The following ACER2 variants were observed in gnomAD, a reference collection of about 807,000 sequenced individuals.
The protein encoded by ACER2 is alkaline ceramidase 2.
A neutral mutation model predicts 34.7 loss-of-function variants in ACER2; 26 were observed. The observed-to-expected ratio is 0.75, with a 90% CI of 0.55 to 1.04. The LOEUF (loss-of-function observed/expected upper bound fraction) is 1.04. Ranked by LOEUF, ACER2 falls within the 50% of genes least tolerant of loss-of-function variation. The pLI, the probability that ACER2 is intolerant of heterozygous loss-of-function variation, is 0.00. For missense variants in ACER2, 352 were observed against 340.8 expected (o/e 1.03, Z -0.26); for synonymous variants, 138 against 132.1 (o/e 1.04, Z -0.31).
chr9:19,426,432 C>T (rs1830575216), intron 3 of ACER2, among the ~76,000 whole-genome samples: 1 of 149,312 alleles, frequency 6.7e-6, no homozygotes, highest in Non-Finnish European at 1.5e-5. Context: ...CTTCCCCTTC[C>T]CCTCCTGTCT....
chr9:19,435,824 C>T (rs1017030242), intron 4 of ACER2, among the ~76,000 whole-genome samples: 12 of 151,392 alleles, frequency 7.9e-5, no homozygotes, highest in African/African-American at 2.2e-4. Flanking sequence ...CCGAGGAGGG[C>T]GGATCACGAG....
intron 5 of ACER2, chr9:19,446,691 A>C: frequency 1.1e-6 from 1 of 947,338 alleles, no homozygotes; most frequent in Non-Finnish European, 1.3e-6. Flanking sequence ...TTAAAGCCTA[A>C]AGGAGCTTGA....
intron 3 of ACER2, among the ~76,000 whole-genome samples, chr9:19,434,554 C>T (rs1405365867): frequency 6.6e-6 from 1 of 152,224 alleles, no homozygotes; most frequent in South Asian, 2.1e-4. Flanking sequence ...GCGGATCACT[C>T]GCGGTTAGGA....
chr9:19,438,704 C>T (rs1195912290), intron 4 of ACER2, among the ~76,000 whole-genome samples: 1 of 152,184 alleles, frequency 6.6e-6, no homozygotes, highest in Non-Finnish European at 1.5e-5. Flanking sequence ...AGTCTAGTTT[C>T]ATTGTAACTC....
chr9:19,425,331 G>A lies in ACER2; in HGVS notation c.365+490G>A, dbSNP rs527430862. The stretch of plus-strand genomic sequence containing the variant: ...GAGAGCTGTGCACCTGCGTGCGTGC[G>A]CGTGCACACACACACATACACACTC... On this transcript the variant is annotated intron_variant, in intron 3 of 5. Transcript: ENST00000340967. Among the ~76,000 whole-genome samples the A allele has an allele frequency of 5.0e-4, 76 of 152,202 alleles. 1 individual carries two copies. Among genetic ancestry groups the A allele is most frequent in the African/African-American group, 1.4e-3 (60 of 41,526 alleles).
In ACER2 at chr9:19,450,432, T is replaced by G; in HGVS notation, c.642-18T>G. 1 of 1,573,486 alleles carries G rather than the reference T, an allele frequency of 6.4e-7. No homozygotes were observed. The highest frequency in any genetic ancestry group is 8.7e-7 in the Non-Finnish European group (1 of 1,149,458). On this transcript the variant is annotated intron_variant, in intron 5 of 5. Coordinates refer to ENST00000340967, the MANE Select transcript of ACER2 (RefSeq NM_001010887.3). ...TCTTCATGCTCATCAGGTTCTCACC[T>G]CTTGTCTCCCTCTGCAGGCACATCC...
At chr9:19,412,338 G>A (rs538388600) in intron 1 of ACER2, among the ~76,000 whole-genome samples, 1 of 152,164 alleles carries the variant, frequency 6.6e-6, no homozygotes, top group Non-Finnish European at 1.5e-5. Flanking sequence ...AAAAGCACAT[G>A]TATCTGTGTG....
At chr9:19,427,815 C>A (rs1184708165) in intron 3 of ACER2, among the ~76,000 whole-genome samples, 1 of 150,624 alleles carries the variant, frequency 6.6e-6, no homozygotes, top group Non-Finnish European at 1.5e-5. Context: ...TACAGGCGCC[C>A]GCCACCACGC....
At chr9:19,418,225 A>G (rs1488212571) in intron 1 of ACER2, among the ~76,000 whole-genome samples, 1 of 152,232 alleles carries the variant, frequency 6.6e-6, no homozygotes, top group Non-Finnish European at 1.5e-5. Flanking sequence ...GTGGAGAAAT[A>G]GGAACACTTT....
At chr9:19,430,530 T>A (rs551811671) in intron 3 of ACER2, among the ~76,000 whole-genome samples, 20 of 152,320 alleles carry the variant, frequency 1.3e-4, no homozygotes, top group African/African-American at 4.3e-4. Flanking sequence ...TGACTGGTTT[T>A]CTGCTGGCCA....
rs1831572406 is a variant in ACER2 at position 19,451,623 on chromosome 9, C to G, written c.*987C>G. Reference sequence around the variant, plus strand: ...ATCACTTCCTCTTCCCCCTCCCACCCCAGCTCAGCAGCCTCAAATCTACAG... The same window carrying G: ...ATCACTTCCTCTTCCCCCTCCCACCGCAGCTCAGCAGCCTCAAATCTACAG... On this transcript the variant is annotated 3_prime_UTR_variant, in exon 6 of 6. Transcript: ENST00000340967. The G allele has an allele frequency of 6.6e-6, 1 of 152,332 alleles. No individual in the cohort carries two copies. The highest frequency in any genetic ancestry group is 1.5e-5 in the Non-Finnish European group (1 of 68,056). The allele number at this position is 152,332 out of a possible 1,614,324, so 9.4% of individuals were successfully genotyped here.
chr9:19,451,011 C>T lies in ACER2; in HGVS notation c.*375C>T, dbSNP rs190634499. 1 of 159,962 alleles carries T rather than the reference C, an allele frequency of 6.3e-6. No homozygotes were observed. The highest frequency in any genetic ancestry group is 1.4e-5 in the Non-Finnish European group (1 of 72,814). 9.9% of individuals were successfully genotyped at this position (159,962 alleles called of 1,614,324 possible). A position where few individuals can be genotyped will look rare whatever the true frequency, so the allele number is the denominator to read the frequency against. ...GTGTCTGTGGACCACCTGGATTCCA[C>T]TGTACAAGGGGAAAAGTGTCTATTC... On this transcript the variant is annotated 3_prime_UTR_variant, in exon 6 of 6. Transcript: ENST00000340967.
In ACER2 at chr9:19,451,857, T is replaced by C. The variant is rs1284868613; in HGVS notation, c.*1221T>C. ...AATTACCTTCAAGAGTCTCACTTCT[T>C]GTTTCTGTTGTGTTTTCTGTGGGCA... is the stretch of plus-strand genomic sequence containing the variant. On this transcript the variant is annotated 3_prime_UTR_variant, in exon 6 of 6. Transcript: ENST00000340967. 1.3e-5 allele frequency: 2 copies of C among 152,242 alleles called. No individual in the cohort carries two copies. Among genetic ancestry groups the C allele is most frequent in the African/African-American group, 4.8e-5 (2 of 41,446 alleles). The allele number at this position is 152,242 out of a possible 1,614,324, so 9.4% of individuals were successfully genotyped here.
In ACER2 at chr9:19,423,994, G is replaced by A. The variant is rs1448999430; in HGVS notation, c.223+18G>A. 23 of 1,572,874 alleles carry A rather than the reference G, an allele frequency of 1.5e-5. No homozygotes were observed. The highest frequency in any genetic ancestry group is 2.0e-5 in the Non-Finnish European group (23 of 1,142,546). ...TGTAGTGGGTAAGTGGAGTCATTTG[G>A]GAACACGGACTTAATGGGGTGGTGG... On this transcript the variant is annotated intron_variant, in intron 2 of 5. Transcript: ENST00000340967.
At chr9:19,427,693 C>T (rs1016148294) in intron 3 of ACER2, among the ~76,000 whole-genome samples, 5 of 132,884 alleles carry the variant, frequency 3.8e-5, no homozygotes, top group Admixed American at 3.1e-4. Context: ...CTGAGACGGA[C>T]TGTCTCTCTG....
intron 2 of ACER2, 21 bp from the exon 3 acceptor site, chr9:19,424,679 A>T (rs192232678): frequency 6.2e-7 from 1 of 1,610,364 alleles, no homozygotes; most frequent in East Asian, 2.2e-5. Flanking sequence ...ACCTTTTTTT[A>T]TTGGTTGTAA....
At chr9:19,427,633 C>A (rs1018641220) in intron 3 of ACER2, among the ~76,000 whole-genome samples, 8 of 133,066 alleles carry the variant, frequency 6.0e-5, no homozygotes, top group Non-Finnish European at 7.7e-5. Flanking sequence ...CCCTCCCCCC[C>A]TCCTTTCTTT....
chr9:19,410,305 C>T lies in ACER2; in HGVS notation c.108+1113C>T, dbSNP rs1315804228. On this transcript the variant is annotated intron_variant, in intron 1 of 5. Transcript: ENST00000340967. ...TGTCATGCTCACATTTCTGGCATGG[C>T]TGGGGCCACAATCCAGAAGTCTGGG... is the stretch of plus-strand genomic sequence containing the variant. Among the ~76,000 whole-genome samples the T allele has an allele frequency of 2.6e-4, 40 of 152,178 alleles. 1 individual carries two copies. The highest frequency in any genetic ancestry group is 2.9e-5 in the Non-Finnish European group (2 of 68,038).
chr9:19,439,931 C>T (rs575934448), intron 4 of ACER2, among the ~76,000 whole-genome samples: 46 of 152,124 alleles, frequency 3.0e-4, no homozygotes, highest in Non-Finnish European at 5.4e-4. Context: ...GTGGAGATCA[C>T]GCCATTGCAC....
Sources: allele counts gnomAD v4.1 joint callset (sites outside exome capture counted in the v4.1 genomes callset), GRCh38; gene constraint gnomAD v4.1.1; transcripts MANE v1.5; gene names NCBI Gene and HGNC (gene_info 2026-07-23, HGNC 2026-07-21).